Variants in RGS5 observed in about 807,000 individuals in gnomAD.
RGS5 encodes regulator of G protein signaling 5.
Under a neutral mutation model 18.9 loss-of-function variants are expected in RGS5, and 20 were observed. That is an observed-to-expected ratio of 1.06 (90% CI 0.74 to 1.54). The LOEUF is 1.54. RGS5 is among the 40% of genes most tolerant of loss of function. The pLI is 0.00. For synonymous variants in RGS5, 57 were observed against 76.2 expected (o/e 0.75, Z 1.31); for missense variants, 201 against 211.8 (o/e 0.95, Z 0.32).
At chr1:163,161,315 G>A (rs1205362052) in intron 3 of RGS5, among the ~76,000 whole-genome samples, 1 of 152,148 alleles carries the variant, frequency 6.6e-6, no homozygotes, top group Non-Finnish European at 1.5e-5. Context: ...TTGGATTGGG[G>A]AAATGCACCT....
chr1:163,152,840 G>T (rs994632031), intron 3 of RGS5, 124 bp from the exon 4 acceptor site: 14 of 803,662 alleles, frequency 1.7e-5, no homozygotes, highest in Non-Finnish European at 2.4e-5. Flanking sequence ...GCTCATTCAT[G>T]TCTAGCTTCC....
At chr1:163,211,830 C>T (rs765554738) in intron 1 of RGS5, 9 of 152,032 alleles carry the variant, frequency 5.9e-5, no homozygotes, top group Admixed American at 5.9e-4. Context: ...TACTCTAATG[C>T]TGTATTTATC....
At chr1:163,287,679 T>C (rs1649178755) in intron 2 of RGS5, among the ~76,000 whole-genome samples, 1 of 152,188 alleles carries the variant, frequency 6.6e-6, no homozygotes, top group South Asian at 2.1e-4. Context: ...AGACATTATG[T>C]TTCTCTTTAA....
chr1:163,160,009 T>A (rs1422081536), intron 3 of RGS5, among the ~76,000 whole-genome samples: 1 of 152,166 alleles, frequency 6.6e-6, no homozygotes, highest in Non-Finnish European at 1.5e-5. Flanking sequence ...ATGGTAATCA[T>A]CTGTTTGCAA....
Position 163,202,880 on chromosome 1 carries a change from A to G in RGS5, c.-45T>C, listed in dbSNP as rs1181288436. The G allele has an allele frequency of 6.3e-7, 1 of 1,592,362 alleles. No homozygotes were observed. The highest frequency in any genetic ancestry group is 1.7e-5 in the Admixed American group (1 of 59,666). On this transcript the variant is annotated 5_prime_UTR_variant, in exon 1 of 5. Coordinates refer to ENST00000313961, the MANE Select transcript of RGS5 (RefSeq NM_003617.4). ...CCTCCGCTTTAAGTACAACTTCTTA[A>G]CAGCAGAGCCAGTCTTTGAAAACTT...
At chr1:163,239,792 T>C (rs1647736666) in intron 2 of RGS5, among the ~76,000 whole-genome samples, 3 of 150,948 alleles carry the variant, frequency 2.0e-5, no homozygotes, top group South Asian at 2.1e-4. Context: ...AAAAGCATAA[T>C]TGGCTTCTAC....
intron 2 of RGS5, among the ~76,000 whole-genome samples, chr1:163,278,382 T>C (rs12746394): frequency 0.24 from 35,882 of 151,918 alleles, 4,356 homozygotes; most frequent in Non-Finnish European, 0.26. Context: ...AACAAATCTA[T>C]CCTTCAGAAA....
chr1:163,211,592 T>C (rs1044328063), intron 1 of RGS5: 6 of 152,146 alleles, frequency 3.9e-5, no homozygotes, highest in African/African-American at 1.4e-4. Context: ...GAATTTTCTC[T>C]GGGGGATGGC....
At position 163,147,014 on chromosome 1, in the gene RGS5, C is replaced by A. The variant is rs189696275; in HGVS notation, c.*328G>T. On this transcript the variant is annotated 3_prime_UTR_variant, in exon 5 of 5. Transcript: ENST00000313961. The stretch of plus-strand genomic sequence containing the variant: ...ATTTAGCTGGAAATCTATTACTTAA[C>A]CCACATTCATTGATATCATAGTCTT... 1 of 183,172 alleles carries A rather than the reference C, an allele frequency of 5.5e-6. No homozygotes were observed. The highest frequency in any genetic ancestry group is 1.1e-5 in the Non-Finnish European group (1 of 89,086). The allele number at this position is 183,172 out of a possible 1,614,324, so 11.3% of individuals were successfully genotyped here.
chr1:163,181,039 T>C (rs1217201628), intron 1 of RGS5, among the ~76,000 whole-genome samples: 1 of 152,052 alleles, frequency 6.6e-6, no homozygotes, highest in East Asian at 1.9e-4. Context: ...TCCATCCTTA[T>C]AGTTTTGTTT....
At chr1:163,171,372 T>C (rs1013590866) in intron 1 of RGS5, among the ~76,000 whole-genome samples, 1 of 152,086 alleles carries the variant, frequency 6.6e-6, no homozygotes, top group Non-Finnish European at 1.5e-5. Context: ...ATAATCCATA[T>C]CCTCCTGGCT....
At chr1:163,226,263 C>T (rs577199818) in intron 2 of RGS5, among the ~76,000 whole-genome samples, 16 of 152,152 alleles carry the variant, frequency 1.1e-4, no homozygotes, top group South Asian at 4.2e-4. Context: ...GGATTTAATA[C>T]GAAAAACTGT....
intron 3 of RGS5, among the ~76,000 whole-genome samples, chr1:163,153,428 A>G (rs1266676554): frequency 1.3e-5 from 2 of 152,134 alleles, no homozygotes; most frequent in Non-Finnish European, 2.9e-5. Flanking sequence ...CAAGGAAGTA[A>G]CATTCAATTT....
chr1:163,168,600 C>T (rs868448605), intron 1 of RGS5, among the ~76,000 whole-genome samples: 1 of 152,158 alleles, frequency 6.6e-6, no homozygotes, highest in African/African-American at 2.4e-5. Context: ...TTTTAATCCT[C>T]ATTATTGTTT....
upstream of RGS5, among the ~76,000 whole-genome samples, chr1:163,204,760 T>C (rs1322653374): frequency 6.6e-6 from 1 of 152,166 alleles, no homozygotes; most frequent in Non-Finnish European, 1.5e-5. Context: ...TTGTTGACTA[T>C]TAAATCTAAT....
chr1:163,317,916 A>G (rs1323695733), intron 1 of RGS5, among the ~76,000 whole-genome samples: 2 of 151,506 alleles, frequency 1.3e-5, no homozygotes, highest in Non-Finnish European at 2.9e-5. Context: ...GGTTATTGCC[A>G]TATTTGCTTG....
At chr1:163,175,684 A>C (rs1438864486) in intron 1 of RGS5, among the ~76,000 whole-genome samples, 1 of 152,194 alleles carries the variant, frequency 6.6e-6, no homozygotes, top group Non-Finnish European at 1.5e-5. Flanking sequence ...CAGAAAATTC[A>C]CTCATTGCTT....
At chr1:163,182,197 T>C (rs1658879556) in intron 1 of RGS5, among the ~76,000 whole-genome samples, 1 of 152,180 alleles carries the variant, frequency 6.6e-6, no homozygotes, top group African/African-American at 2.4e-5. Flanking sequence ...AAAGATCTAT[T>C]TGACTAGCAT....
chr1:163,197,153 A>T (rs1244445617), intron 1 of RGS5, among the ~76,000 whole-genome samples: 1 of 151,994 alleles, frequency 6.6e-6, no homozygotes, highest in Non-Finnish European at 1.5e-5. Flanking sequence ...GTGGTTAGAA[A>T]CTCAGCGGTT....
Sources: allele counts gnomAD v4.1 joint callset (sites outside exome capture counted in the v4.1 genomes callset), GRCh38; gene constraint gnomAD v4.1.1; transcripts MANE v1.5; gene names NCBI Gene and HGNC (gene_info 2026-07-23, HGNC 2026-07-21).